The following TNS3 variants were observed in gnomAD, a reference collection of about 807,000 sequenced individuals.
The protein encoded by TNS3 is tensin-3.
Under a neutral mutation model 140.9 loss-of-function variants are expected in TNS3, and 45 were observed. The observed-to-expected ratio is 0.32, with a 90% CI of 0.25 to 0.41. The LOEUF (loss-of-function observed/expected upper bound fraction) is 0.41. Ranked by LOEUF, TNS3 falls within the 10% of genes least tolerant of loss-of-function variation. The pLI is 1.00. For missense variants in TNS3, 1,716 were observed against 1,906.7 expected, an observed-to-expected ratio of 0.90 and a Z score of 1.86; for synonymous variants, 815 against 788.4, an observed-to-expected ratio of 1.03 and a Z score of -0.56.
intron 8 of TNS3, among the ~76,000 whole-genome samples, chr7:47,432,428 C>A (rs546387219): frequency 6.6e-6 from 1 of 152,294 alleles, no homozygotes; most frequent in Non-Finnish European, 1.5e-5. Context: ...GCCCCTTGAG[C>A]TTGGACATCT....
At position 47,277,919 on chromosome 7, in the gene TNS3, G is replaced by T. The variant is rs1414626640; in HGVS notation, c.*157C>A. The stretch of plus-strand genomic sequence containing the variant: ...AGGCCAATTCACGGTGATGTTGTTT[G>T]TTCTTGTTTTTGCAGAGCTGGAAGA... On this transcript the variant is annotated 3_prime_UTR_variant, in exon 31 of 31. Transcript: ENST00000311160. The T allele has an allele frequency of 6.0e-6, 5 of 839,636 alleles. No individual in the cohort carries two copies. Among genetic ancestry groups the T allele is most frequent in the African/African-American group, 1.7e-5 (1 of 59,506 alleles). 52.0% of individuals were successfully genotyped at this position (839,636 alleles called of 1,614,324 possible).
intron 1 of TNS3, among the ~76,000 whole-genome samples, chr7:47,565,179 A>C (rs4236388): frequency 1.3e-5 from 2 of 151,302 alleles, no homozygotes; most frequent in Admixed American, 6.6e-5. Flanking sequence ...CTGGGTTCAC[A>C]CCATTCTCCT....
At position 47,384,676 on chromosome 7, in the gene TNS3, C is replaced by T. The variant is rs116519246; in HGVS notation, c.1024+12124G>A. 6.3e-3 allele frequency among the ~76,000 whole-genome samples: 961 copies of T among 152,332 alleles called. 14 individuals are homozygous for T. Among genetic ancestry groups the T allele is most frequent in the African/African-American group, 0.022 (920 of 41,576 alleles). The stretch of plus-strand genomic sequence containing the variant: ...CTCCTTTCTCTAGCAGCCGCTACAG[C>T]TCCCTGGCTCCTGCTCTTCTCTGCA... On this transcript the variant is annotated intron_variant, in intron 16 of 30. Transcript: ENST00000311160.
rs74994257 is a variant in TNS3, at chr7:47,552,115, T to C, written c.-264-22968A>G. 9.9e-3 allele frequency among the ~76,000 whole-genome samples: 1,508 copies of C among 151,736 alleles called. 13 individuals are homozygous for C. Among genetic ancestry groups the C allele is most frequent in the African/African-American group, 0.035 (1,430 of 41,010 alleles). On this transcript the variant is annotated intron_variant, in intron 1 of 30. Transcript: ENST00000311160. ...TTCTGGCACACCTAATTCATTTCTT[T>C]TTTTTTCATTATTTTTCTCCTGAGG... is the stretch of plus-strand genomic sequence containing the variant.
chr7:47,327,120 T>G (rs1380919167), intron 20 of TNS3, among the ~76,000 whole-genome samples: 1 of 152,168 alleles, frequency 6.6e-6, no homozygotes, highest in Non-Finnish European at 1.5e-5. Context: ...CTACCCCCAG[T>G]GCCTGGCTGA....
chr7:47,426,827 T>C (rs918661488), intron 9 of TNS3, among the ~76,000 whole-genome samples: 1 of 152,048 alleles, frequency 6.6e-6, no homozygotes, highest in Non-Finnish European at 1.5e-5. Context: ...TTGCTGGGGA[T>C]AGAAATGCTC....
chr7:47,378,358 T>C (rs1329705263), intron 16 of TNS3, among the ~76,000 whole-genome samples: 1 of 152,220 alleles, frequency 6.6e-6, no homozygotes, highest in East Asian at 1.9e-4. Flanking sequence ...AACTGTTCTC[T>C]AATATAAAGC....
intron 24 of TNS3, among the ~76,000 whole-genome samples, chr7:47,294,514 T>C (rs531289298): frequency 6.6e-6 from 1 of 152,330 alleles, no homozygotes; most frequent in East Asian, 1.9e-4. Flanking sequence ...CCTATGCTAA[T>C]GAGTCCAACA....
At chr7:47,286,177 T>C (rs766831083) in intron 27 of TNS3, among the ~76,000 whole-genome samples, 45 of 152,270 alleles carry the variant, frequency 3.0e-4, no homozygotes, top group Non-Finnish European at 5.6e-4. Flanking sequence ...CTCAATCAGT[T>C]CACACAGAAC....
At chr7:47,540,044 T>G (rs1562843733) in intron 1 of TNS3, among the ~76,000 whole-genome samples, 1 of 152,206 alleles carries the variant, frequency 6.6e-6, no homozygotes, top group Non-Finnish European at 1.5e-5. Flanking sequence ...AAAGCCACAG[T>G]GAGCTCTGTG....
At chr7:47,382,624 C>T (rs201327600) in intron 16 of TNS3, among the ~76,000 whole-genome samples, 1 of 152,132 alleles carries the variant, frequency 6.6e-6, no homozygotes, top group East Asian at 1.9e-4. Context: ...GCCAGTCCAC[C>T]CTTAGTATGT....
At chr7:47,396,116 C>T (rs554285383) in intron 16 of TNS3, among the ~76,000 whole-genome samples, 15 of 152,312 alleles carry the variant, frequency 9.8e-5, no homozygotes, top group African/African-American at 3.6e-4. Flanking sequence ...GATTCTCAAT[C>T]GGTGGTTGAA....
At chr7:47,430,957 A>G (rs1794902258) in intron 8 of TNS3, among the ~76,000 whole-genome samples, 1 of 152,020 alleles carries the variant, frequency 6.6e-6, no homozygotes, top group Admixed American at 6.5e-5. Flanking sequence ...TCCTGACCTC[A>G]GGTGATCTGC....
intron 4 of TNS3, among the ~76,000 whole-genome samples, chr7:47,460,443 A>G (rs994908747): frequency 6.6e-6 from 1 of 152,174 alleles, no homozygotes; most frequent in Admixed American, 6.5e-5. Flanking sequence ...TTGTCTTGGC[A>G]GCCTAAGCTG....
rs1203668931 is a variant in TNS3 at position 47,292,825 on chromosome 7, T to C, written c.3850+3A>G. 1.2e-6 allele frequency: 2 copies of C among 1,614,012 alleles called. No individual in the cohort carries two copies. The highest frequency in any genetic ancestry group is 2.2e-5 in the East Asian group (1 of 44,884). ...AGCCTGACTAGCACTGAGGACCCCT[T>C]ACCTCTCTCTGGGATAAGCAGCTTG... On this transcript the variant is annotated splice_donor_region_variant and intron_variant, in intron 26 of 30. Transcript: ENST00000311160.
At chr7:47,545,713 T>C (rs530877744) in intron 1 of TNS3, among the ~76,000 whole-genome samples, 33 of 152,316 alleles carry the variant, frequency 2.2e-4, no homozygotes, top group African/African-American at 6.0e-4. Context: ...AGTTTCTTCC[T>C]GACCGAAAAT....
intron 10 of TNS3, among the ~76,000 whole-genome samples, chr7:47,420,025 G>A (rs1794288005): frequency 6.6e-6 from 1 of 152,114 alleles, no homozygotes; most frequent in Non-Finnish European, 1.5e-5. Flanking sequence ...CCCCTGTCTT[G>A]GTAAATCGGC....
chr7:47,292,506 G>A (rs573536420), intron 26 of TNS3, among the ~76,000 whole-genome samples: 5 of 152,272 alleles, frequency 3.3e-5, no homozygotes, highest in African/African-American at 9.6e-5. Flanking sequence ...CCGTAGAAAC[G>A]TAAAAATTAA....
intron 1 of TNS3, among the ~76,000 whole-genome samples, chr7:47,530,454 G>C (rs1799351604): frequency 6.6e-6 from 1 of 151,874 alleles, no homozygotes; most frequent in Non-Finnish European, 1.5e-5. Context: ...AGGGAAGGGG[G>C]GATATTTGAA....
Sources: allele counts gnomAD v4.1 joint callset (sites outside exome capture counted in the v4.1 genomes callset), GRCh38; gene constraint gnomAD v4.1.1; transcripts MANE v1.5; gene names NCBI Gene and HGNC (gene_info 2026-07-23, HGNC 2026-07-21).